The following DAB1 variants were observed in gnomAD, a reference collection of about 807,000 sequenced individuals.
DAB1 encodes disabled homolog 1.
DAB1 carries 15 observed loss-of-function variants against 64.6 expected under a neutral mutation model. The ratio of observed to expected loss-of-function variants is 0.23; its 90% CI spans 0.16 to 0.36. The LOEUF is 0.36. DAB1 is among the 10% of genes least tolerant of loss of function. The pLI is 1.00. For missense variants in DAB1, 596 were observed against 706.7 expected (o/e 0.84, Z 1.78); for synonymous variants, 235 against 251.9 (o/e 0.93, Z 0.64).
chr1:58,418,298 T>C (rs1644741456), intron 3 of DAB1, among the ~76,000 whole-genome samples: 1 of 152,202 alleles, frequency 6.6e-6, no homozygotes, highest in Non-Finnish European at 1.5e-5. Context: ...ATTCCCTGCA[T>C]GATCTCTCTT....
intron 1 of DAB1, among the ~76,000 whole-genome samples, chr1:58,539,497 C>T (rs1043855774): frequency 2.0e-4 from 31 of 152,060 alleles, no homozygotes; most frequent in African/African-American, 7.2e-4. Context: ...ATATATACCA[C>T]GATATTTACT....
At chr1:58,245,724 C>T (rs375835032) in intron 4 of DAB1, among the ~76,000 whole-genome samples, 22 of 152,124 alleles carry the variant, frequency 1.4e-4, no homozygotes, top group African/African-American at 4.6e-4. Context: ...CCAGTCACAT[C>T]GGGCTACTGT....
chr1:57,726,866 T>A (rs1302048171), intron 6 of DAB1, among the ~76,000 whole-genome samples: 3 of 152,200 alleles, frequency 2.0e-5, no homozygotes, highest in Non-Finnish European at 4.4e-5. Flanking sequence ...ATCAGATTTC[T>A]GTTTGAGAAT....
At chr1:57,313,841 A>G (rs655672) in intron 1 of DAB1, among the ~76,000 whole-genome samples, 134,401 of 152,128 alleles carry the variant, frequency 0.88, 59,500 homozygotes, top group East Asian at 1. Context: ...GGAAGGTGAT[A>G]GGATTCATGT....
intron 4 of DAB1, among the ~76,000 whole-genome samples, chr1:58,250,096 T>C (rs1185271998): frequency 6.6e-6 from 1 of 152,044 alleles, no homozygotes; most frequent in South Asian, 2.1e-4. Flanking sequence ...CAGTAGGCAG[T>C]GCGGGCACAG....
chr1:57,283,679 GC>G (rs1424425141), intron 2 of DAB1, among the ~76,000 whole-genome samples: 21 of 152,210 alleles, frequency 1.4e-4, no homozygotes, highest in African/African-American at 5.1e-4. Flanking sequence ...TAAAACATGG[GC>G]TCTTTTCAGA....
At chr1:58,530,424 T>C (rs1325245137) in intron 1 of DAB1, among the ~76,000 whole-genome samples, 1 of 152,094 alleles carries the variant, frequency 6.6e-6, no homozygotes, top group East Asian at 1.9e-4. Flanking sequence ...TATTCCTTAA[T>C]TTAAATATTC....
At chr1:58,537,270 A>T (rs1479608827) in intron 1 of DAB1, among the ~76,000 whole-genome samples, 1 of 152,118 alleles carries the variant, frequency 6.6e-6, no homozygotes, top group Admixed American at 6.6e-5. Flanking sequence ...TAATTATGTA[A>T]GAGGTTACAG....
intron 7 of DAB1, among the ~76,000 whole-genome samples, chr1:57,633,038 C>T (rs187895410): frequency 1.3e-5 from 2 of 152,272 alleles, no homozygotes; most frequent in East Asian, 1.9e-4. Context: ...GTAAACATGG[C>T]TTTTCCATAT....
intron 5 of DAB1, among the ~76,000 whole-genome samples, chr1:58,135,873 A>G (rs1226937748): frequency 6.6e-6 from 1 of 152,146 alleles, no homozygotes; most frequent in Non-Finnish European, 1.5e-5. Context: ...TGTGACTTGT[A>G]GTCAGGAATC....
At chr1:57,447,325 C>A (rs1356416101) in intron 7 of DAB1, among the ~76,000 whole-genome samples, 1 of 152,136 alleles carries the variant, frequency 6.6e-6, no homozygotes, top group African/African-American at 2.4e-5. Flanking sequence ...CTCAAAGGAT[C>A]CCTCCAACTA....
At chr1:58,484,271 A>C (rs1224742312) in intron 3 of DAB1, among the ~76,000 whole-genome samples, 1 of 152,196 alleles carries the variant, frequency 6.6e-6, no homozygotes, top group African/African-American at 2.4e-5. Flanking sequence ...CTGCTATAAA[A>C]ACTTTTCTTT....
At chr1:57,578,765 C>A (rs1328471016) in intron 7 of DAB1, among the ~76,000 whole-genome samples, 2 of 152,202 alleles carry the variant, frequency 1.3e-5, no homozygotes. Flanking sequence ...TCATTTGCTA[C>A]ACATGCATTC....
intron 5 of DAB1, among the ~76,000 whole-genome samples, chr1:58,133,491 C>T (rs539263590): frequency 2.0e-5 from 3 of 152,276 alleles, no homozygotes; most frequent in African/African-American, 7.2e-5. Flanking sequence ...GTCTGAATCC[C>T]ATCTTCATCT....
intron 3 of DAB1, among the ~76,000 whole-genome samples, chr1:58,460,238 T>C (rs1203057062): frequency 1.3e-5 from 2 of 152,108 alleles, no homozygotes; most frequent in Non-Finnish European, 2.9e-5. Context: ...CAGAGGGTAT[T>C]AAGATGCCTG....
Position 57,840,409 on chromosome 1 carries a change from GA to G in DAB1, n.88-13955del, listed in dbSNP as rs1652998108. ...AGCATATCCAAAGGCATAGAAGTGTGAAAAAAGAGGGTACTGATGCTCCTGA... is the reference window on the plus strand; with the variant it reads ...AGCATATCCAAAGGCATAGAAGTGTGAAAAAGAGGGTACTGATGCTCCTGA... On this transcript the variant is annotated intron_variant and non_coding_transcript_variant, in intron 1 of 1. Transcript: ENST00000477280. Among the ~76,000 whole-genome samples, 7 of 152,102 alleles carry G rather than the reference GA, an allele frequency of 4.6e-5. 1 individual carries two copies. The South Asian group carries it at 1.5e-3, about 32-fold the overall frequency.
At chr1:58,112,257 T>G (rs1181294668) in intron 5 of DAB1, among the ~76,000 whole-genome samples, 7 of 152,354 alleles carry the variant, frequency 4.6e-5, no homozygotes, top group Non-Finnish European at 7.3e-5. Context: ...GTTAACTTAT[T>G]TATTGCCTCC....
At chr1:57,987,743 C>T (rs143173456) in intron 5 of DAB1, among the ~76,000 whole-genome samples, 35 of 152,170 alleles carry the variant, frequency 2.3e-4, no homozygotes, top group Non-Finnish European at 4.3e-4. Context: ...CCTCTGCTGG[C>T]GCTCAGAGAG....
At chr1:57,806,355 G>A (rs1258853357) in intron 6 of DAB1, among the ~76,000 whole-genome samples, 1 of 152,180 alleles carries the variant, frequency 6.6e-6, no homozygotes, top group East Asian at 1.9e-4. Context: ...CATTAGGATA[G>A]AACCTCATCC....
Sources: gnomAD v4.1 joint callset for allele counts (sites outside exome capture counted in the v4.1 genomes callset) on GRCh38, gnomAD v4.1.1 for gene constraint, MANE v1.5 for transcripts, NCBI Gene and HGNC (gene_info 2026-07-23, HGNC 2026-07-21) for gene names.